SCFD2: variants seen among roughly 807,000 people sequenced by gnomAD.
SCFD2 encodes the protein sec1 family domain-containing protein 2.
Under a neutral mutation model 58.9 loss-of-function variants are expected in SCFD2, and 54 were observed. The ratio of observed to expected loss-of-function variants is 0.92; its 90% CI spans 0.74 to 1.15. The LOEUF is 1.15. Among genes scored for constraint, SCFD2 ranks in the 50% most tolerant of loss-of-function variants. SCFD2 has a pLI of 0.00. For synonymous variants in SCFD2, 321 were observed against 335.9 expected (o/e 0.96, Z 0.49); for missense variants, 805 against 836.6 (o/e 0.96, Z 0.47).
At chr4:53,089,269 T>C (rs1298940052) in intron 5 of SCFD2, among the ~76,000 whole-genome samples, 1 of 152,214 alleles carries the variant, frequency 6.6e-6, no homozygotes, top group East Asian at 1.9e-4. Context: ...GAGTTCCTTA[T>C]CTATTCTGAA....
chr4:53,131,145 A>G (rs1308643907), intron 5 of SCFD2, among the ~76,000 whole-genome samples: 1 of 152,276 alleles, frequency 6.6e-6, no homozygotes, highest in East Asian at 1.9e-4. Context: ...AATGAAATTT[A>G]TATGTGGGCT....
At chr4:53,154,684 G>C (rs764777187) in intron 4 of SCFD2, among the ~76,000 whole-genome samples, 4 of 152,256 alleles carry the variant, frequency 2.6e-5, no homozygotes, top group Non-Finnish European at 5.9e-5. Flanking sequence ...CCTGGAATCT[G>C]TGACTGTGAT....
chr4:53,301,272 C>A (rs1732279750), intron 3 of SCFD2, among the ~76,000 whole-genome samples: 1 of 152,106 alleles, frequency 6.6e-6, no homozygotes, highest in Non-Finnish European at 1.5e-5. Context: ...GGGGATATCA[C>A]CACCAATCCC....
At position 53,352,579 on chromosome 4, in the gene SCFD2, C is replaced by A. The variant is rs760217240; in HGVS notation, c.1007+19G>T. The A allele has an allele frequency of 3.2e-6, 5 of 1,579,246 alleles. No individual in the cohort carries two copies. The highest frequency in any genetic ancestry group is 3.4e-4 in the Middle Eastern group (2 of 5,880). On this transcript the variant is annotated intron_variant, in intron 2 of 8. Transcript: ENST00000401642. ...GGGAAGACAGAGAAAGATAAGATGACAAAAACTATATATCTTACCTGGATT... is the reference window on the plus strand; with the variant it reads ...GGGAAGACAGAGAAAGATAAGATGAAAAAAACTATATATCTTACCTGGATT...
intron 2 of SCFD2, among the ~76,000 whole-genome samples, chr4:53,333,622 C>A (rs370568692): frequency 6.7e-6 from 1 of 148,326 alleles, no homozygotes; most frequent in Non-Finnish European, 1.5e-5. Context: ...AAGACTTAAA[C>A]GTTAGACCTA....
intron 5 of SCFD2, among the ~76,000 whole-genome samples, chr4:53,031,636 C>A (rs1165657254): frequency 6.6e-6 from 1 of 152,028 alleles, no homozygotes; most frequent in Non-Finnish European, 1.5e-5. Context: ...CTTCATGAAC[C>A]ATACACAAGT....
At chr4:53,151,470 T>G (rs1300880995) in intron 4 of SCFD2, among the ~76,000 whole-genome samples, 3 of 151,978 alleles carry the variant, frequency 2.0e-5, no homozygotes, top group Non-Finnish European at 2.9e-5. Flanking sequence ...AAAATATGTG[T>G]TTTTTTTAGA....
chr4:52,909,591 G>A (rs1202387421), intron 6 of SCFD2, among the ~76,000 whole-genome samples: 3 of 152,082 alleles, frequency 2.0e-5, no homozygotes, highest in East Asian at 3.9e-4. Context: ...AAGGTGAGAG[G>A]AAGACTTTTC....
chr4:53,109,683 A>G (rs561052106), intron 5 of SCFD2, among the ~76,000 whole-genome samples: 1 of 152,322 alleles, frequency 6.6e-6, no homozygotes, highest in African/African-American at 2.4e-5. Context: ...GACGTCTTCA[A>G]GGAGAACTAC....
intron 5 of SCFD2, among the ~76,000 whole-genome samples, chr4:53,133,175 G>C (rs1402627155): frequency 6.6e-6 from 1 of 151,522 alleles, no homozygotes; most frequent in Non-Finnish European, 1.5e-5. Flanking sequence ...AAAAATACAA[G>C]AAATTAGCCG....
intron 4 of SCFD2, among the ~76,000 whole-genome samples, chr4:53,149,954 G>A (rs1726458946): frequency 6.6e-6 from 1 of 152,216 alleles, no homozygotes; most frequent in South Asian, 2.1e-4. Context: ...TGTAATTGTA[G>A]TATCCTGGAT....
At chr4:52,910,259 C>T (rs1417280806) in intron 6 of SCFD2, among the ~76,000 whole-genome samples, 3 of 152,224 alleles carry the variant, frequency 2.0e-5, no homozygotes, top group South Asian at 2.1e-4. Context: ...CTCTTTTCCT[C>T]TTCTCTGCTG....
intron 5 of SCFD2, among the ~76,000 whole-genome samples, chr4:52,935,341 CA>C (rs973885837): frequency 1.3e-5 from 2 of 152,156 alleles, no homozygotes; most frequent in African/African-American, 2.4e-5. Context: ...TAATTAACAA[CA>C]ACAACAACAA....
At chr4:52,895,659 T>A (rs1160900476) in intron 7 of SCFD2, among the ~76,000 whole-genome samples, 1 of 152,240 alleles carries the variant, frequency 6.6e-6, no homozygotes. Context: ...TATAGCAGCA[T>A]GATTTCTAAT....
chr4:53,045,166 T>C (rs529744552), intron 5 of SCFD2, among the ~76,000 whole-genome samples: 14 of 152,142 alleles, frequency 9.2e-5, no homozygotes, highest in Non-Finnish European at 1.6e-4. Flanking sequence ...TGGAAGAGAA[T>C]TCACGTACAT....
chr4:53,165,331 G>A (rs1300956833), intron 4 of SCFD2, among the ~76,000 whole-genome samples: 5 of 152,162 alleles, frequency 3.3e-5, no homozygotes, highest in African/African-American at 1.2e-4. Context: ...AATCCTTGAA[G>A]AAAGGGAAAG....
At chr4:52,942,637 G>A (rs1306740218) in intron 5 of SCFD2, among the ~76,000 whole-genome samples, 3 of 152,132 alleles carry the variant, frequency 2.0e-5, no homozygotes, top group South Asian at 2.1e-4. Flanking sequence ...TATATGGAAA[G>A]CCCTTGAAAC....
At chr4:53,200,806 C>T (rs970070415) in intron 4 of SCFD2, among the ~76,000 whole-genome samples, 1 of 152,064 alleles carries the variant, frequency 6.6e-6, no homozygotes, top group Non-Finnish European at 1.5e-5. Context: ...GAAGACTCAA[C>T]CTCATGACAC....
intron 5 of SCFD2, among the ~76,000 whole-genome samples, chr4:53,104,622 A>G (rs750252682): frequency 2.0e-4 from 31 of 152,356 alleles, no homozygotes; most frequent in South Asian, 8.3e-4. Flanking sequence ...GATGTAAATA[A>G]TAAGAAAAAC....
Sources: gnomAD v4.1 joint callset for allele counts (sites outside exome capture counted in the v4.1 genomes callset) on GRCh38, gnomAD v4.1.1 for gene constraint, MANE v1.5 for transcripts, NCBI Gene and HGNC (gene_info 2026-07-23, HGNC 2026-07-21) for gene names.